The following PRELID2 variants were observed in gnomAD, a reference collection of about 807,000 sequenced individuals.
PRELID2 encodes the protein PRELI domain containing 2.
In PRELID2, 25 loss-of-function variants were observed where a neutral mutation model predicts 28.4. The observed-to-expected ratio is 0.88, with a 90% CI of 0.64 to 1.23. The LOEUF (loss-of-function observed/expected upper bound fraction) is 1.23, where lower values mean the gene tolerates loss of function less well. Among genes scored for constraint, PRELID2 ranks in the 50% most tolerant of loss-of-function variants. The pLI, the probability that PRELID2 is intolerant of heterozygous loss-of-function variation, is 0.00. For missense variants in PRELID2, 201 were observed against 214.4 expected (o/e 0.94, Z 0.39); for synonymous variants, 76 against 71.6 (o/e 1.06, Z -0.31).
the PRELID2 span, among the ~76,000 whole-genome samples, chr5:145,410,974 C>T: frequency 1.8e-3 from 280 of 152,080 alleles, 2 homozygotes; most frequent in African/African-American, 6.2e-3. Context: ...AATGGTGGTA[C>T]AGGCATTGGG....
At chr5:145,619,670 C>A (rs181469196) in intron 1 of PRELID2, among the ~76,000 whole-genome samples, 422 of 152,308 alleles carry the variant, frequency 2.8e-3, no homozygotes, top group Non-Finnish European at 4.4e-3. Context: ...TGAGCCTCCC[C>A]CTGCTGCTCT....
At chr5:145,279,258 A>G in the PRELID2 span, among the ~76,000 whole-genome samples, 3 of 152,206 alleles carry the variant, frequency 2.0e-5, no homozygotes, top group African/African-American at 7.2e-5. Context: ...TTCTCATTTC[A>G]GTATCTACCA....
intron 5 of PRELID2, among the ~76,000 whole-genome samples, chr5:145,770,913 T>A (rs1758063002): frequency 1.3e-5 from 2 of 152,192 alleles, no homozygotes. Context: ...TAAAGCAACC[T>A]AAGGTTATTT....
chr5:145,649,893 T>C (rs1754259917), intron 1 of PRELID2, among the ~76,000 whole-genome samples: 1 of 152,202 alleles, frequency 6.6e-6, no homozygotes, highest in South Asian at 2.1e-4. Context: ...GCTTGTTTTA[T>C]TGTCTGTTTT....
intron 1 of PRELID2, among the ~76,000 whole-genome samples, chr5:145,738,444 A>G (rs1257416669): frequency 6.6e-6 from 1 of 152,202 alleles, no homozygotes; most frequent in Non-Finnish European, 1.5e-5. Context: ...AATTACAAAC[A>G]CACTTGAAAC....
chr5:145,320,362 A>T, the PRELID2 span, among the ~76,000 whole-genome samples: 83,377 of 150,534 alleles, frequency 0.55, 25,015 homozygotes, highest in South Asian at 0.86. Context: ...GCTCCGCCTC[A>T]CCGCTTCACG....
chr5:145,381,266 T>C, the PRELID2 span, among the ~76,000 whole-genome samples: 1 of 152,312 alleles, frequency 6.6e-6, no homozygotes, highest in Non-Finnish European at 1.5e-5. Flanking sequence ...TGATGCAGTC[T>C]TTCTGAATTA....
chr5:145,409,789 T>A, the PRELID2 span, among the ~76,000 whole-genome samples: 2 of 145,918 alleles, frequency 1.4e-5, no homozygotes, highest in East Asian at 2.0e-4. Flanking sequence ...CATTATATAA[T>A]GATTAAAAGA....
At chr5:145,368,076 A>G in the PRELID2 span, among the ~76,000 whole-genome samples, 1 of 151,866 alleles carries the variant, frequency 6.6e-6, no homozygotes, top group Non-Finnish European at 1.5e-5. Context: ...GTTGTCTGAA[A>G]TTTTATTATT....
At chr5:145,275,447 A>T in the PRELID2 span, among the ~76,000 whole-genome samples, 1 of 152,080 alleles carries the variant, frequency 6.6e-6, no homozygotes, top group Non-Finnish European at 1.5e-5. Context: ...GGGTGTAGGC[A>T]TGAGCTGGAG....
chr5:145,700,117 T>C (rs1403921181), intron 1 of PRELID2, among the ~76,000 whole-genome samples: 1 of 152,134 alleles, frequency 6.6e-6, no homozygotes, highest in East Asian at 1.9e-4. Context: ...ATGTAACCTC[T>C]GCAAGCCTAA....
At chr5:145,336,866 A>G in the PRELID2 span, among the ~76,000 whole-genome samples, 1 of 150,688 alleles carries the variant, frequency 6.6e-6, no homozygotes, top group Admixed American at 6.6e-5. Flanking sequence ...GCAAGAACAA[A>G]AAACCAAACA....
At chr5:145,346,054 G>C in the PRELID2 span, among the ~76,000 whole-genome samples, 9 of 152,098 alleles carry the variant, frequency 5.9e-5, no homozygotes, top group African/African-American at 2.2e-4. Flanking sequence ...ATTTCTCTAA[G>C]AGTTCTCACT....
At chr5:145,560,122 A>G (rs1185577303) in intron 1 of PRELID2, among the ~76,000 whole-genome samples, 2 of 152,212 alleles carry the variant, frequency 1.3e-5, no homozygotes, top group African/African-American at 4.8e-5. Flanking sequence ...TTTATTGAAT[A>G]CTGTCCTGAA....
the PRELID2 span, among the ~76,000 whole-genome samples, chr5:145,375,397 A>G: frequency 6.6e-6 from 1 of 152,124 alleles, no homozygotes; most frequent in East Asian, 1.9e-4. Flanking sequence ...TGATGCCAGT[A>G]GAATCATTCC....
At chr5:145,322,810 G>C in the PRELID2 span, among the ~76,000 whole-genome samples, 1 of 152,014 alleles carries the variant, frequency 6.6e-6, no homozygotes, top group Non-Finnish European at 1.5e-5. Flanking sequence ...AACTTTGGGA[G>C]GCCGAGGTGG....
At chr5:145,278,449 G>A in the PRELID2 span, among the ~76,000 whole-genome samples, 81 of 152,226 alleles carry the variant, frequency 5.3e-4, no homozygotes, top group African/African-American at 1.6e-3. Context: ...TTCCTTGCAG[G>A]CTGCAGGATG....
chr5:145,437,511 C>T, the PRELID2 span, among the ~76,000 whole-genome samples: 3 of 152,106 alleles, frequency 2.0e-5, no homozygotes, highest in Admixed American at 6.6e-5. Context: ...TAAAATGAGA[C>T]CTCTAACTCC....
At chr5:145,430,545 G>A in the PRELID2 span, among the ~76,000 whole-genome samples, 3 of 152,072 alleles carry the variant, frequency 2.0e-5, no homozygotes, top group Non-Finnish European at 4.4e-5. Flanking sequence ...TCTAGGCCTG[G>A]TCATGTGTCC....
Sources: allele counts gnomAD v4.1 joint callset (sites outside exome capture counted in the v4.1 genomes callset), GRCh38; gene constraint gnomAD v4.1.1; transcripts MANE v1.5; gene names NCBI Gene and HGNC (gene_info 2026-07-23, HGNC 2026-07-21).